FARSB: variants seen among roughly 807,000 people sequenced by gnomAD.
The protein encoded by FARSB is phenylalanine--tRNA ligase beta subunit.
Under a neutral mutation model 69.6 loss-of-function variants are expected in FARSB, and 40 were observed. That is an observed-to-expected ratio of 0.57 (90% CI 0.45 to 0.75). The LOEUF (loss-of-function observed/expected upper bound fraction) is 0.75. Among genes scored for constraint, FARSB ranks in the 30% least tolerant of loss-of-function variants. FARSB has a pLI of 0.00. For missense variants in FARSB, 632 were observed against 722.9 expected (o/e 0.87, Z 1.44); for synonymous variants, 235 against 247.2 (o/e 0.95, Z 0.46).
At chr2:222,652,428 C>T (rs1158261480) in intron 1 of FARSB, among the ~76,000 whole-genome samples, 1 of 152,108 alleles carries the variant, frequency 6.6e-6, no homozygotes, top group African/African-American at 2.4e-5. Flanking sequence ...TAGGATTGGT[C>T]TGTGATCAAG....
chr2:222,599,640 G>A (rs1389424136), intron 16 of FARSB, among the ~76,000 whole-genome samples: 1 of 152,116 alleles, frequency 6.6e-6, no homozygotes, highest in Admixed American at 6.5e-5. Flanking sequence ...TGGCTTAAAG[G>A]TGCCAGTGAT....
chr2:222,623,586 G>C (rs1298294797), intron 13 of FARSB, 64 bp downstream of exon 13: 18 of 899,304 alleles, frequency 2.0e-5, no homozygotes, highest in Non-Finnish European at 1.9e-5. Context: ...AAGCATCATA[G>C]AATAAATAAT....
Position 222,568,537 on chromosome 2 carries a change from T to C in FARSB, c.*3334A>G, listed in dbSNP as rs1056411548. The C allele has an allele frequency of 1.3e-5, 2 of 152,148 alleles. No homozygotes were observed. The highest frequency in any genetic ancestry group is 4.8e-5 in the African/African-American group (2 of 41,426). 9.4% of individuals were successfully genotyped at this position (152,148 alleles called of 1,614,324 possible). A position where few individuals can be genotyped will look rare whatever the true frequency, so the allele number is the denominator to read the frequency against. ...AAAAAAATTAAAATGTGAAAAAAGA[T>C]CAATTCAAAAATAATTTAAAAACAG... On this transcript the variant is annotated 3_prime_UTR_variant, in exon 17 of 17. Transcript: ENST00000281828. This position sits in a 1 kb window ranked among gnomAD's most constrained non-coding sequence, Gnocchi z 4.3.
intron 2 of FARSB, 49 bp from the exon 3 acceptor site, chr2:222,643,054 C>A: frequency 1.6e-6 from 2 of 1,232,426 alleles, no homozygotes; most frequent in South Asian, 1.6e-5. Context: ...TTTAAACTCT[C>A]TTTAAAAAGT....
Position 222,571,995 on chromosome 2 carries a change from G to A in FARSB, c.1646C>T (p.Ala549Val). ...GCTTTGACCCCTGGCAAAGATCTCT[G>A]CACATCGCCCGGGGAAGAAAGCAGG... Reference protein sequence around the residue: ...EGPAFFPGRCAEIFARGQSVG... With the variant: ...EGPAFFPGRCVEIFARGQSVG... The change falls in exon 17 of 17, where the codon GCA (alanine) becomes GTA (valine). Residue 549 changes from alanine to valine, a missense_variant. Transcript: ENST00000281828. The A allele has an allele frequency of 6.2e-7, 1 of 1,613,796 alleles. No individual in the cohort carries two copies. The highest frequency in any genetic ancestry group is 8.5e-7 in the Non-Finnish European group (1 of 1,179,886).
At chr2:222,582,406 C>T (rs911862031) in intron 16 of FARSB, among the ~76,000 whole-genome samples, 2 of 152,132 alleles carry the variant, frequency 1.3e-5, no homozygotes, top group Non-Finnish European at 1.5e-5. Context: ...ACACATACAT[C>T]AGAAGGATAA....
chr2:222,582,182 C>T (rs1036456840), intron 16 of FARSB, among the ~76,000 whole-genome samples: 1 of 152,168 alleles, frequency 6.6e-6, no homozygotes, highest in Non-Finnish European at 1.5e-5. Context: ...TGTTAATCAA[C>T]AGGAAATTAG....
chr2:222,655,953 TTTGGAGGGAGGCCCTGCCTCCGAG>T (rs1692163068), intron 1 of FARSB, 39 bp downstream of exon 1: 1 of 1,320,166 alleles, frequency 7.6e-7, no homozygotes, highest in African/African-American at 1.5e-5. Flanking sequence ...ACATTGCCCT[TTTGGAGGGAGGCCCTGCCTCCGAG>T]AAGAGGCGTA....
chr2:222,646,215 G>T (rs1011515876), intron 2 of FARSB, among the ~76,000 whole-genome samples: 1 of 152,130 alleles, frequency 6.6e-6, no homozygotes, highest in African/African-American at 2.4e-5. Context: ...CTTGTGGGAG[G>T]AGAGTCACTA....
intron 16 of FARSB, among the ~76,000 whole-genome samples, chr2:222,599,674 G>A (rs548117385): frequency 1.3e-5 from 2 of 152,290 alleles, no homozygotes; most frequent in East Asian, 3.9e-4. Context: ...TGGCTTAAAG[G>A]TGCCAGTAAC....
Position 222,600,115 on chromosome 2 carries a change from G to T in FARSB, c.1463-32C>A, listed in dbSNP as rs763626334. The T allele has an allele frequency of 9.0e-6, 14 of 1,551,838 alleles. No individual in the cohort carries two copies. The South Asian group carries it at 1.6e-4, about 18-fold the overall frequency. On this transcript the variant is annotated intron_variant, in intron 15 of 16. Transcript: ENST00000281828. Reference sequence around the variant, plus strand: ...AAATAAAGGAACTGGTCACAACGCTGTATTAACCATTGCTTAAGAAACTGA... The same window carrying T: ...AAATAAAGGAACTGGTCACAACGCTTTATTAACCATTGCTTAAGAAACTGA...
chr2:222,650,254 G>A (rs1201542816), intron 1 of FARSB, among the ~76,000 whole-genome samples: 1 of 152,128 alleles, frequency 6.6e-6, no homozygotes, highest in Non-Finnish European at 1.5e-5. Flanking sequence ...AGGAGAAAGG[G>A]GTCAACTAAC....
At chr2:222,576,662 C>T (rs760691418) in intron 16 of FARSB, among the ~76,000 whole-genome samples, 9 of 152,122 alleles carry the variant, frequency 5.9e-5, no homozygotes, top group Non-Finnish European at 1.3e-4. Context: ...CCCTTCTCCT[C>T]CCAGAAAAGG....
intron 2 of FARSB, chr2:222,644,464 C>A (rs1419256107): frequency 6.9e-6 from 3 of 433,658 alleles, no homozygotes; most frequent in South Asian, 1.6e-5. Flanking sequence ...AGGAAGAATT[C>A]GAGTTTAAAC....
chr2:222,597,081 G>C (rs550961963), intron 16 of FARSB, among the ~76,000 whole-genome samples: 1 of 152,252 alleles, frequency 6.6e-6, no homozygotes, highest in African/African-American at 2.4e-5. Context: ...CTAGATGTGT[G>C]CCCAGGACTC....
chr2:222,613,799 A>G lies in FARSB; in HGVS notation c.1462+12T>C. On this transcript the variant is annotated intron_variant, in intron 15 of 16. Transcript: ENST00000281828. ...AAATACACAAATCAAATCAAAGGTG[A>G]CTTATTCTTACCTGTATTAGAATCT... The G allele has an allele frequency of 7.1e-7, 1 of 1,402,430 alleles. No homozygotes were observed. Among genetic ancestry groups the G allele is most frequent in the Non-Finnish European group, 1.0e-6 (1 of 988,610 alleles). 86.9% of individuals were successfully genotyped at this position (1,402,430 alleles called of 1,614,324 possible).
In FARSB at chr2:222,636,196, G is replaced by A. The variant is rs184020620; in HGVS notation, c.456-1655C>T. Reference sequence around the variant, plus strand: ...CCGAGGCAGGTGGATCACAAGGTCAGGTGATCAAGACCATCCTGGCTAACA... The same window carrying A: ...CCGAGGCAGGTGGATCACAAGGTCAAGTGATCAAGACCATCCTGGCTAACA... On this transcript the variant is annotated intron_variant, in intron 5 of 16. Transcript: ENST00000281828. 3.3e-5 allele frequency among the ~76,000 whole-genome samples: 5 copies of A among 151,976 alleles called. No homozygotes were observed. The East Asian group carries it at 9.7e-4, about 29-fold the overall frequency.
chr2:222,625,236 AG>A (rs1454131054), intron 10 of FARSB, among the ~76,000 whole-genome samples: 1 of 152,224 alleles, frequency 6.6e-6, no homozygotes, highest in African/African-American at 2.4e-5. Flanking sequence ...TACCATTTCC[AG>A]GTGGAGAAAT....
At chr2:222,576,018 T>C in intron 16 of FARSB, among the ~76,000 whole-genome samples, 1 of 151,732 alleles carries the variant, frequency 6.6e-6, no homozygotes, top group Non-Finnish European at 1.5e-5. Flanking sequence ...AGGCCCAAAG[T>C]TTGGATAAGC....
Sources: gnomAD v4.1 joint callset for allele counts (sites outside exome capture counted in the v4.1 genomes callset) on GRCh38, gnomAD v4.1.1 for gene constraint, Gnocchi (gnomAD v3.1) non-coding constraint, MANE v1.5 for transcripts, NCBI Gene and HGNC (gene_info 2026-07-23, HGNC 2026-07-21) for gene names.